Variants in COL5A1 observed in about 807,000 individuals in gnomAD.
COL5A1 encodes the protein collagen alpha-1(V) chain.
COL5A1 carries 16 observed loss-of-function variants against 263.7 expected under a neutral mutation model. That is an observed-to-expected ratio of 0.06 (90% confidence interval 0.04 to 0.09). The LOEUF is 0.09. Among genes scored for constraint, COL5A1 ranks in the 10% least tolerant of loss-of-function variants. The pLI, the probability that COL5A1 is intolerant of heterozygous loss-of-function variation, is 1.00. For missense variants in COL5A1, 2,036 were observed against 2,540.5 expected (o/e 0.80, Z 4.27); for synonymous variants, 1,012 against 1,004.5 (o/e 1.01, Z -0.14).
chr9:134,833,433 T>G (rs1004742094), intron 64 of COL5A1, among the ~76,000 whole-genome samples: 1 of 152,206 alleles, frequency 6.6e-6, no homozygotes, highest in African/African-American at 2.4e-5. Flanking sequence ...GTGCAGAGAC[T>G]GGGAGGGCTT....
Position 134,805,011 on chromosome 9 carries a change from G to A in COL5A1, c.3151G>A (p.Gly1051Ser), listed in dbSNP as rs745944589. 1.2e-6 allele frequency: 2 copies of A among 1,613,958 alleles called. No homozygotes were observed. Residue 1051 changes from glycine (G) to serine (S), a missense_variant, in exon 40 of 66, where the codon GGC becomes AGC. Gly to Ser is a moderately conservative substitution (Grantham distance 56). This residue lies in a region of COL5A1 where 1,078 missense variants were observed against 1,521.4 expected (regional missense o/e 0.71). Transcript: ENST00000371817. ...CCCTGCAGGCCTCCCTGGGAAAGAT[G>A]GCCCTCCAGGATTACGTGGTTTCCC... ...PGPAGLPGKDGPPGLRGFPGD... is the reference protein window; with the variant it reads ...PGPAGLPGKDSPPGLRGFPGD...
chr9:134,729,329 G>C (rs960764413), intron 6 of COL5A1, among the ~76,000 whole-genome samples: 1 of 152,154 alleles, frequency 6.6e-6, no homozygotes, highest in East Asian at 1.9e-4. Context: ...AGCAGGGCCC[G>C]GGCCCCGTGC....
intron 64 of COL5A1, among the ~76,000 whole-genome samples, chr9:134,833,591 C>T (rs1195899363): frequency 1.3e-5 from 2 of 152,130 alleles, no homozygotes; most frequent in Non-Finnish European, 2.9e-5. Context: ...CTTGAGTGGC[C>T]ATGCCAGACA....
At position 134,824,827 on chromosome 9, in the gene COL5A1, G is replaced by A. The variant is rs2132884637; in HGVS notation, c.4926G>A (p.Leu1642=). 2 of 1,613,608 alleles carry A rather than the reference G, an allele frequency of 1.2e-6. No individual in the cohort carries two copies. Among genetic ancestry groups the A allele is most frequent in the South Asian group, 2.2e-5 (2 of 91,076 alleles). Residue 1642 remains leucine (L), a synonymous_variant, in exon 62 of 66, where the codon CTG becomes CTA. Coordinates refer to ENST00000371817, the MANE Select transcript of COL5A1 (RefSeq NM_000093.5). ...ACCCCGCCCGCACCTGCAAGGACCT[G>A]CAGCTCTGCCACCCCGACTTCCCAG... is the stretch of plus-strand genomic sequence containing the variant. ...QQNPARTCKD[L]QLCHPDFPDG... is the part of the protein sequence containing the mutation.
chr9:134,717,937 A>G (rs1224437072), intron 4 of COL5A1, among the ~76,000 whole-genome samples: 2 of 152,046 alleles, frequency 1.3e-5, no homozygotes, highest in African/African-American at 2.4e-5. Flanking sequence ...GGAGGAGTGC[A>G]TGATTAAATG....
chr9:134,747,872 GACACATGC>G (rs1389177575), intron 11 of COL5A1, among the ~76,000 whole-genome samples: 1 of 108,560 alleles, frequency 9.2e-6, no homozygotes, highest in African/African-American at 3.8e-5. Context: ...CACACATGCA[GACACATGC>G]ACACATGCAT....
In COL5A1 at chr9:134,755,059, T is replaced by C. The variant is rs116788491; in HGVS notation, c.1827+733T>C. Among the ~76,000 whole-genome samples the C allele has an allele frequency of 0.017, 2,542 of 152,278 alleles. 87 individuals are homozygous for C. Among genetic ancestry groups the C allele is most frequent in the African/African-American group, 0.057 (2,358 of 41,556 alleles). ...AAAATGGGTCCTTCCCTAGTGGTTC[T>C]GGATGCTCCTGACTTGGGGAGCAAG... On this transcript the variant is annotated intron_variant, in intron 16 of 65. Coordinates refer to ENST00000371817, the MANE Select transcript of COL5A1 (RefSeq NM_000093.5). The surrounding 1 kb of genome is among the most constrained non-coding windows in gnomAD (Gnocchi z 4.1).
chr9:134,783,115 C>G (rs62571362), intron 29 of COL5A1, among the ~76,000 whole-genome samples: 1 of 152,210 alleles, frequency 6.6e-6, no homozygotes, highest in Admixed American at 6.5e-5. Flanking sequence ...CCCAGCCTAC[C>G]GAAGGAGCGC....
intron 58 of COL5A1, 35 bp downstream of exon 58, chr9:134,820,258 C>T (rs755695986): frequency 2.6e-6 from 4 of 1,555,808 alleles, no homozygotes; most frequent in Admixed American, 1.7e-5. Context: ...TGTGGGCTGT[C>T]GAGAGGCATT....
At chr9:134,731,402 G>A in intron 7 of COL5A1, 94 bp from the exon 8 acceptor site, 1 of 1,286,866 alleles carries the variant, frequency 7.8e-7, no homozygotes. Flanking sequence ...CTGCCCAGTT[G>A]ACCGGATAGC....
intron 4 of COL5A1, among the ~76,000 whole-genome samples, chr9:134,703,107 G>GT (rs1212505447): frequency 6.6e-6 from 1 of 152,256 alleles, no homozygotes; most frequent in Non-Finnish European, 1.5e-5. Context: ...CAGGGAGTAG[G>GT]TGTGAAGGTG....
chr9:134,773,219 G>T (rs1194011483), intron 26 of COL5A1, among the ~76,000 whole-genome samples: 10 of 152,234 alleles, frequency 6.6e-5, no homozygotes, highest in Admixed American at 6.5e-4. Flanking sequence ...AGACCTACCA[G>T]GTCACGCCGG....
intron 4 of COL5A1, among the ~76,000 whole-genome samples, chr9:134,717,553 C>T (rs1290131549): frequency 6.6e-6 from 1 of 152,206 alleles, no homozygotes; most frequent in Non-Finnish European, 1.5e-5. Context: ...GCCTCCGTCC[C>T]TCCCAGTCAG....
intron 11 of COL5A1, among the ~76,000 whole-genome samples, chr9:134,746,359 C>T (rs1835513273): frequency 6.6e-6 from 1 of 152,224 alleles, no homozygotes; most frequent in Admixed American, 6.5e-5. Context: ...CCTACAGCTC[C>T]TCCCAAACCT....
Position 134,700,165 on chromosome 9 carries a change from G to A in COL5A1, c.491+43G>A, listed in dbSNP as rs768820433. 1.9e-6 allele frequency: 3 copies of A among 1,572,790 alleles called. No homozygotes were observed. Among genetic ancestry groups the A allele is most frequent in the Non-Finnish European group, 1.7e-6 (2 of 1,159,064 alleles). ...GGCAACTGTCCCCCTGCTGGAGGGG[G>A]GATCAGGCCAGCTCATACCACTGAC... On this transcript the variant is annotated intron_variant, in intron 3 of 65. Transcript: ENST00000371817. The surrounding 1 kb of genome is among the most constrained non-coding windows in gnomAD (Gnocchi z 4.0).
chr9:134,812,297 G>A, intron 46 of COL5A1, 152 bp from the exon 47 acceptor site: 1 of 742,754 alleles, frequency 1.3e-6, no homozygotes, highest in Admixed American at 2.0e-5. Flanking sequence ...GGAACCCCGG[G>A]ACGTCCTCGT....
intron 5 of COL5A1, among the ~76,000 whole-genome samples, chr9:134,728,184 C>T (rs573817172): frequency 6.6e-6 from 1 of 152,374 alleles, no homozygotes; most frequent in African/African-American, 2.4e-5. Context: ...CAGCCGAGTC[C>T]CTGCTGCCCC....
chr9:134,655,803 C>A (rs933716155), intron 1 of COL5A1, among the ~76,000 whole-genome samples: 6 of 152,144 alleles, frequency 3.9e-5, no homozygotes, highest in Middle Eastern at 3.2e-3. Context: ...GTGCTGTGCC[C>A]ACCAGGCTGT....
rs760830269 is a variant in COL5A1 at position 134,750,847 on chromosome 9, G to C, written c.1627G>C (p.Glu543Gln). 1 of 1,613,124 alleles carries C rather than the reference G, an allele frequency of 6.2e-7. No homozygotes were observed. The highest frequency in any genetic ancestry group is 8.5e-7 in the Non-Finnish European group (1 of 1,180,014). ...GSKGPMVSAQ[E>Q]SQAQAILQQA... is the part of the protein sequence containing the mutation. ...CAAAGGCCCCATGGTCTCAGCCCAG[G>C]AGTCCCAGGCGCAAGCCATTCTCCA... The change falls in exon 13 of 66, where the codon GAG (glutamate) becomes CAG (glutamine). Residue 543 changes from glutamate to glutamine, a missense_variant. Around this residue, in one of 3 missense-constraint regions of COL5A1, gnomAD observed 1,078 missense variants for 1,521.4 expected, o/e 0.71. Coordinates refer to ENST00000371817, the MANE Select transcript of COL5A1 (RefSeq NM_000093.5).
Sources: gnomAD v4.1 joint callset for allele counts (sites outside exome capture counted in the v4.1 genomes callset) on GRCh38, gnomAD v4.1.1 for gene constraint, gnomAD v4.1.1 regional missense constraint, Gnocchi (gnomAD v3.1) non-coding constraint, MANE v1.5 for transcripts, NCBI Gene and HGNC (gene_info 2026-07-23, HGNC 2026-07-21) for gene names.